The following BRAF variants were observed in gnomAD, a reference collection of about 807,000 sequenced individuals.
BRAF encodes B-Raf proto-oncogene, serine/threonine kinase.
A neutral mutation model predicts 104.6 loss-of-function variants in BRAF; 16 were observed. That is an observed-to-expected ratio of 0.15 (90% confidence interval 0.10 to 0.23). The LOEUF (loss-of-function observed/expected upper bound fraction) is 0.23. BRAF is among the 10% of genes least tolerant of loss of function. BRAF has a pLI of 1.00. For missense variants in BRAF, 541 were observed against 937.3 expected, an observed-to-expected ratio of 0.58 and a Z score of 5.52; for synonymous variants, 310 against 341.6, an observed-to-expected ratio of 0.91 and a Z score of 1.02.
At chr7:140,762,403 C>T (rs1235188514) in intron 14 of BRAF, among the ~76,000 whole-genome samples, 1 of 152,164 alleles carries the variant, frequency 6.6e-6, no homozygotes, top group Non-Finnish European at 1.5e-5. Flanking sequence ...TGTAGAGGGA[C>T]ACTTATAGCA....
intron 1 of BRAF, among the ~76,000 whole-genome samples, chr7:140,883,878 C>G (rs908103321): frequency 6.6e-6 from 1 of 152,150 alleles, no homozygotes; most frequent in African/African-American, 2.4e-5. Flanking sequence ...AATATGTATT[C>G]CATGTTACAG....
At chr7:140,726,618 A>G (rs1795612227) in intron 19 of BRAF, 2 of 1,048,016 alleles carry the variant, frequency 1.9e-6, no homozygotes, top group African/African-American at 1.6e-5. Flanking sequence ...AACTAGTTAT[A>G]TATTTCAAGT....
At chr7:140,865,407 G>T (rs1389678356) in intron 1 of BRAF, among the ~76,000 whole-genome samples, 1 of 152,146 alleles carries the variant, frequency 6.6e-6, no homozygotes, top group African/African-American at 2.4e-5. Context: ...TTGGGAAAGT[G>T]AAGAAGCAGC....
At chr7:140,823,260 A>G (rs1487593664) in intron 3 of BRAF, among the ~76,000 whole-genome samples, 2 of 152,272 alleles carry the variant, frequency 1.3e-5, no homozygotes, top group Middle Eastern at 3.4e-3. Flanking sequence ...TGTGCAACCA[A>G]TCTCCTGAAC....
chr7:140,735,235 G>GGGAAAT (rs1462803530), intron 18 of BRAF, among the ~76,000 whole-genome samples: 51 of 152,274 alleles, frequency 3.3e-4, no homozygotes, highest in African/African-American at 1.1e-3. Context: ...ACCTAGCCAT[G>GGGAAAT]GGAAATGTTT....
At chr7:140,781,104 TG>T in intron 12 of BRAF, 1 of 164,616 alleles carries the variant, frequency 6.1e-6, no homozygotes, top group African/African-American at 2.4e-5. Context: ...AGCTAATTTT[TG>T]TATTTTTAGT....
At chr7:140,905,925 A>G (rs2129134039) in intron 1 of BRAF, among the ~76,000 whole-genome samples, 1 of 149,716 alleles carries the variant, frequency 6.7e-6, no homozygotes, top group East Asian at 2.0e-4. Context: ...CGTCTCTACT[A>G]AAAATACAAA....
intron 1 of BRAF, among the ~76,000 whole-genome samples, chr7:140,900,055 AGGC>A (rs1254153337): frequency 6.6e-6 from 1 of 152,264 alleles, no homozygotes; most frequent in Non-Finnish European, 1.5e-5. Flanking sequence ...TACAGCCTCA[AGGC>A]CCTAAGCCAG....
Position 140,852,349 on chromosome 7 carries a change from AC to A in BRAF, c.139-2138del, listed in dbSNP as rs533097104. Among the ~76,000 whole-genome samples the A allele has an allele frequency of 1.1e-4, 16 of 151,178 alleles. No homozygotes were observed. The South Asian group carries it at 1.5e-3, about 14-fold the overall frequency. ...GCACCACTACACTCCGGCCTGGGCA[AC>A]ATAGTGAGACTCAGTTTCTACCGCC... On this transcript the variant is annotated intron_variant, in intron 1 of 19. Coordinates refer to ENST00000644969, the MANE Select transcript of BRAF (RefSeq NM_001374258.1).
chr7:140,924,470 G>C lies in BRAF; in HGVS notation c.138+96C>G, dbSNP rs952357613. On this transcript the variant is annotated intron_variant, in intron 1 of 19. Coordinates refer to ENST00000644969, the MANE Select transcript of BRAF (RefSeq NM_001374258.1). This position sits in a 1 kb window ranked among gnomAD's most constrained non-coding sequence, Gnocchi z 4.2. ...GAGCTGGCCCGAGAAGGTGGCTGAG[G>C]GCATCAAGCCCCCACCGCCGCCTCT... 1.4e-5 allele frequency: 21 copies of C among 1,504,994 alleles called. No homozygotes were observed. Among genetic ancestry groups the C allele is most frequent in the Admixed American group, 4.0e-5 (2 of 50,626 alleles). 93.2% of individuals were successfully genotyped at this position (1,504,994 alleles called of 1,614,324 possible).
At position 140,781,691 on chromosome 7, in the gene BRAF, T is replaced by C. The variant is rs569455230; in HGVS notation, c.1437A>G (p.Lys479=). 2.5e-6 allele frequency: 4 copies of C among 1,613,446 alleles called. No individual in the cohort carries two copies. In the East Asian group the frequency reaches 6.7e-5, roughly 27 times the overall value. The change falls in exon 12 of 20, where the codon AAA becomes AAG. Residue 479 remains lysine, a splice_region_variant and synonymous_variant. Transcript: ENST00000644969. ...SSSSEDRNRM[K]TLGRRDSSDD... ...CACTCGAGTCCCGTCTACCAAGTGT[T>C]TTCTTGATAAAAACAGTAAAAAAGT...
intron 1 of BRAF, among the ~76,000 whole-genome samples, chr7:140,853,247 G>A (rs1262827430): frequency 2.6e-5 from 4 of 151,556 alleles, no homozygotes; most frequent in African/African-American, 9.7e-5. Flanking sequence ...ATAGCCAGAC[G>A]TGGTGGTGTG....
At chr7:140,840,872 G>A (rs973090864) in intron 2 of BRAF, among the ~76,000 whole-genome samples, 6 of 151,360 alleles carry the variant, frequency 4.0e-5, no homozygotes, top group African/African-American at 1.5e-4. Context: ...GCACCACCAC[G>A]CCTGGATAAT....
At chr7:140,913,253 T>TAC (rs1817202137) in intron 1 of BRAF, among the ~76,000 whole-genome samples, 1 of 151,678 alleles carries the variant, frequency 6.6e-6, no homozygotes, top group East Asian at 1.9e-4. Flanking sequence ...CATCCCCCAA[T>TAC]ACACACACAC....
chr7:140,864,666 A>G (rs1031321742), intron 1 of BRAF, among the ~76,000 whole-genome samples: 1 of 152,376 alleles, frequency 6.6e-6, no homozygotes, highest in East Asian at 1.9e-4. Flanking sequence ...AATTTATTAG[A>G]TAAGAATAGG....
chr7:140,766,685 G>C (rs1315548867), intron 14 of BRAF, among the ~76,000 whole-genome samples: 1 of 151,802 alleles, frequency 6.6e-6, no homozygotes, highest in Non-Finnish European at 1.5e-5. Context: ...CGAGTAGCTG[G>C]GACCACAGAC....
At chr7:140,762,948 A>C (rs370939523) in intron 14 of BRAF, among the ~76,000 whole-genome samples, 3 of 152,362 alleles carry the variant, frequency 2.0e-5, no homozygotes, top group African/African-American at 2.4e-5. Context: ...CAACAGGATC[A>C]CAAGGCAGAA....
rs548635040 is a variant in BRAF, at chr7:140,780,635, C to T, written c.1552+941G>A. The stretch of plus-strand genomic sequence containing the variant: ...TACTGCTTTGAAAAATTTCATATAC[C>T]AAAGACACCTTTCTACATCAATAAA... On this transcript the variant is annotated intron_variant, in intron 12 of 19. Transcript: ENST00000644969. The T allele has an allele frequency of 7.4e-4, 113 of 152,196 alleles. 1 individual carries two copies. Among genetic ancestry groups the T allele is most frequent in the African/African-American group, 2.7e-3 (111 of 41,528 alleles). 9.4% of individuals were successfully genotyped at this position (152,196 alleles called of 1,614,324 possible). A position where few individuals can be genotyped will look rare whatever the true frequency, so the allele number is the denominator to read the frequency against.
At chr7:140,912,112 C>G (rs1331607638) in intron 1 of BRAF, among the ~76,000 whole-genome samples, 12 of 152,202 alleles carry the variant, frequency 7.9e-5, no homozygotes, top group Non-Finnish European at 1.6e-4. Flanking sequence ...ATGACTGTGC[C>G]ACTGCACCCC....
Sources: allele counts gnomAD v4.1 joint callset (sites outside exome capture counted in the v4.1 genomes callset), GRCh38; gene constraint gnomAD v4.1.1; non-coding constraint Gnocchi (gnomAD v3.1); transcripts MANE v1.5; gene names NCBI Gene and HGNC (gene_info 2026-07-23, HGNC 2026-07-21).